The following BIRC6 variants were observed in gnomAD, a reference collection of about 807,000 sequenced individuals.
BIRC6 encodes baculoviral IAP repeat containing 6, also known as dual E2 ubiquitin-conjugating enzyme/E3 ubiquitin-protein ligase BIRC6.
A neutral mutation model predicts 503.3 loss-of-function variants in BIRC6; 98 were observed. The observed-to-expected ratio is 0.19, with a 90% CI of 0.17 to 0.23. The LOEUF (loss-of-function observed/expected upper bound fraction) is 0.23. Ranked by LOEUF, BIRC6 falls within the 10% of genes least tolerant of loss-of-function variation. The pLI is 1.00. For synonymous variants in BIRC6, 2,240 were observed against 2,078.7 expected (o/e 1.08, Z -2.11); for missense variants, 5,360 against 5,806.0 (o/e 0.92, Z 2.50).
intron 1 of BIRC6, among the ~76,000 whole-genome samples, chr2:32,375,358 T>C (rs1430038584): frequency 6.6e-6 from 1 of 152,132 alleles, no homozygotes; most frequent in East Asian, 1.9e-4. Context: ...ATTCAGTCTT[T>C]TACCAATAAG....
intron 33 of BIRC6, 95 bp from the exon 34 acceptor site, chr2:32,476,118 T>A: frequency 1.1e-6 from 1 of 883,372 alleles, no homozygotes; most frequent in Non-Finnish European, 1.7e-6. Context: ...ATAATGTGCA[T>A]TCCATTAGTT....
chr2:32,576,265 T>C (rs2060257588), intron 66 of BIRC6, among the ~76,000 whole-genome samples: 1 of 152,236 alleles, frequency 6.6e-6, no homozygotes, highest in Admixed American at 6.5e-5. Flanking sequence ...AAATAAGTCT[T>C]AATGCTTATC....
At chr2:32,401,728 A>G (rs1184886869) in intron 8 of BIRC6, 105 bp downstream of exon 8, 5 of 985,082 alleles carry the variant, frequency 5.1e-6, no homozygotes, top group African/African-American at 1.6e-5. Flanking sequence ...AAAGTTACGC[A>G]GTTAAGAGAT....
rs1558617262 is a variant in BIRC6 at position 32,397,628 on chromosome 2, A to ACACACACACACATATATG, written c.1034+2035_1034+2036insCACACACACACATATATG. Among the ~76,000 whole-genome samples, 234 of 138,322 alleles carry ACACACACACACATATATG rather than the reference A, an allele frequency of 1.7e-3. 2 individuals carry two copies. Among genetic ancestry groups the ACACACACACACATATATG allele is most frequent in the South Asian group, 0.017 (72 of 4,336 alleles). The allele number at this position is 138,322 out of a possible 152,430, so 90.7% of individuals were successfully genotyped here. ...TGTATATATGTGTGTATATATATAT[A>ACACACACACACATATATG]TGTATATATATACACACACACACAC... On this transcript the variant is annotated intron_variant, in intron 6 of 73. Coordinates refer to ENST00000421745, the MANE Select transcript of BIRC6 (RefSeq NM_016252.4).
At chr2:32,463,132 C>G in intron 23 of BIRC6, 62 bp from the exon 24 acceptor site, 1 of 1,379,680 alleles carries the variant, frequency 7.2e-7, no homozygotes, top group Middle Eastern at 1.9e-4. Context: ...CATGTTTTGT[C>G]TTTAACCTTT....
intron 1 of BIRC6, among the ~76,000 whole-genome samples, chr2:32,372,305 T>A (rs1420509366): frequency 2.6e-5 from 4 of 152,160 alleles, no homozygotes; most frequent in African/African-American, 4.8e-5. Flanking sequence ...ACATCTTCCC[T>A]TTACCACTAA....
rs1276275641 is a variant in BIRC6 at position 32,435,973 on chromosome 2, A to G, written c.3500-80A>G. ...TATTTTGTGTGGTGGTATTATATGT[A>G]AATGGGATGATATTTGCTTATTAAA... On this transcript the variant is annotated intron_variant, in intron 14 of 73. Coordinates refer to ENST00000421745, the MANE Select transcript of BIRC6 (RefSeq NM_016252.4). 3 of 844,144 alleles carry G rather than the reference A, an allele frequency of 3.6e-6. No individual in the cohort carries two copies. In the East Asian group the frequency reaches 9.0e-5, roughly 25 times the overall value. The allele number at this position is 844,144 out of a possible 1,614,324, so 52.3% of individuals were successfully genotyped here.
chr2:32,407,183 C>T (rs561637929), intron 9 of BIRC6, among the ~76,000 whole-genome samples: 21 of 152,194 alleles, frequency 1.4e-4, no homozygotes, highest in East Asian at 3.9e-4. Flanking sequence ...TGGTGGCTTA[C>T]GTCGGTAATC....
At position 32,420,889 on chromosome 2, in the gene BIRC6, A is replaced by AT. The variant is rs754088886; in HGVS notation, c.2872+4736dup. Among the ~76,000 whole-genome samples, 734 of 111,258 alleles carry AT rather than the reference A, an allele frequency of 6.6e-3. 8 individuals are homozygous for AT. The highest frequency in any genetic ancestry group is 0.022 in the African/African-American group (653 of 29,754). 73.0% of individuals were successfully genotyped at this position (111,258 alleles called of 152,430 possible). A position where few individuals can be genotyped will look rare whatever the true frequency, so the allele number is the denominator to read the frequency against. On this transcript the variant is annotated intron_variant, in intron 10 of 73. Transcript: ENST00000421745. ...TTTGTGATACTGATCGATGATTTGT[A>AT]TTTTTTTTTTCCTGCTTCATCTGTC...
chr2:32,361,061 C>T (rs981196984), intron 1 of BIRC6, among the ~76,000 whole-genome samples: 53 of 152,238 alleles, frequency 3.5e-4, no homozygotes, highest in African/African-American at 1.3e-3. Context: ...GCTGGGATTA[C>T]AGGTACACAC....
At chr2:32,407,477 A>T (rs1036625401) in intron 9 of BIRC6, among the ~76,000 whole-genome samples, 16 of 151,412 alleles carry the variant, frequency 1.1e-4, no homozygotes, top group African/African-American at 1.5e-4. Context: ...AGATTTAGAT[A>T]AGATAAGTTC....
At chr2:32,364,209 G>A (rs969300915) in intron 1 of BIRC6, among the ~76,000 whole-genome samples, 19 of 152,108 alleles carry the variant, frequency 1.2e-4, no homozygotes, top group Non-Finnish European at 2.5e-4. Context: ...TTCCAGATCT[G>A]TGTTGCAGTG....
chr2:32,524,793 A>G, intron 57 of BIRC6, 95 bp from the exon 58 acceptor site: 1 of 924,716 alleles, frequency 1.1e-6, no homozygotes, highest in Non-Finnish European at 1.5e-6. Context: ...TATTAAGGAT[A>G]ATATTATCTT....
At chr2:32,472,829 A>G (rs749016379) in intron 32 of BIRC6, among the ~76,000 whole-genome samples, 1 of 152,188 alleles carries the variant, frequency 6.6e-6, no homozygotes, top group African/African-American at 2.4e-5. Context: ...TTGTATAGAG[A>G]TTAATCTTAA....
chr2:32,389,050 T>C (rs919541288), intron 4 of BIRC6, 107 bp downstream of exon 4: 6 of 776,536 alleles, frequency 7.7e-6, no homozygotes, highest in Admixed American at 4.0e-5. Context: ...AATTTCACAA[T>C]TTCTAGCCTA....
In BIRC6 at chr2:32,531,392, G is replaced by A. The variant is rs2150025972; in HGVS notation, c.12132G>A (p.Glu4044=). ...TACTTGCTAGCTGTCCAGAAGATGA[G>A]GCTCTCACTCCAGGTGATGAATGCA... ...GDLLASCPED[E]ALTPGDECMD... is the part of the protein sequence containing the mutation. Residue 4044 remains glutamate (E), a synonymous_variant, in exon 61 of 74, where the codon GAG becomes GAA. Coordinates refer to ENST00000421745, the MANE Select transcript of BIRC6 (RefSeq NM_016252.4). 1.2e-6 allele frequency: 2 copies of A among 1,613,530 alleles called. No homozygotes were observed. The highest frequency in any genetic ancestry group is 1.7e-6 in the Non-Finnish European group (2 of 1,179,666).
intron 29 of BIRC6, 91 bp from the exon 30 acceptor site, chr2:32,469,304 A>G (rs914639343): frequency 3.3e-6 from 3 of 918,838 alleles, no homozygotes; most frequent in African/African-American, 3.4e-5. Context: ...ACTGATTACT[A>G]GAAAAGAGGA....
intron 66 of BIRC6, among the ~76,000 whole-genome samples, chr2:32,583,289 C>T (rs1323687003): frequency 6.6e-6 from 1 of 152,176 alleles, no homozygotes; most frequent in Non-Finnish European, 1.5e-5. Context: ...GTTTTAAGAG[C>T]TTCATAAAGA....
intron 1 of BIRC6, among the ~76,000 whole-genome samples, chr2:32,365,471 C>A (rs769857757): frequency 3.9e-5 from 6 of 152,080 alleles, no homozygotes; most frequent in African/African-American, 1.5e-4. Context: ...AGGCGTGCGC[C>A]TGCACGCCCA....
Sources: gnomAD v4.1 joint callset for allele counts (sites outside exome capture counted in the v4.1 genomes callset) on GRCh38, gnomAD v4.1.1 for gene constraint, MANE v1.5 for transcripts, NCBI Gene and HGNC (gene_info 2026-07-23, HGNC 2026-07-21) for gene names.